The following RAP1B variants were observed in gnomAD, a reference collection of about 807,000 sequenced individuals.
RAP1B encodes ras-related protein Rap-1b.
A neutral mutation model predicts 27.5 loss-of-function variants in RAP1B; 1 was observed. The ratio of observed to expected loss-of-function variants is 0.04; its 90% CI spans 0.01 to 0.17. The LOEUF (loss-of-function observed/expected upper bound fraction) is 0.17. RAP1B is among the 10% of genes least tolerant of loss of function. The probability of loss-of-function intolerance (pLI) is 1.00; values close to 1 mark genes in which losing one functional copy is unlikely to be tolerated. For missense variants in RAP1B, 84 were observed against 214.8 expected (o/e 0.39, Z 3.81); for synonymous variants, 75 against 73.1 (o/e 1.03, Z -0.13).
intron 1 of RAP1B, among the ~76,000 whole-genome samples, chr12:68,629,756 A>G (rs1476599826): frequency 6.6e-6 from 1 of 152,212 alleles, no homozygotes; most frequent in Non-Finnish European, 1.5e-5. Flanking sequence ...GTATTGAATG[A>G]ATGTTATAAA....
chr12:68,662,971 A>G lies in RAP1B; in HGVS notation c.*3722A>G, dbSNP rs1874683351. ...GCGCCACTGCACCCCCACGATGGCA[A>G]TAGAGTGAGACCCTGTCTTAGAAAA... On this transcript the variant is annotated 3_prime_UTR_variant, in exon 8 of 8. Transcript: ENST00000250559. 6.6e-6 allele frequency: 1 copy of G among 152,126 alleles called. No individual in the cohort carries two copies. Among genetic ancestry groups the G allele is most frequent in the Admixed American group, 6.6e-5 (1 of 15,256 alleles). 9.4% of individuals were successfully genotyped at this position (152,126 alleles called of 1,614,324 possible).
At position 68,667,910 on chromosome 12, in the gene RAP1B, A is replaced by G. The variant is rs1051388273; in HGVS notation, c.*8661A>G. On this transcript the variant is annotated 3_prime_UTR_variant, in exon 8 of 8. Coordinates refer to ENST00000250559, the MANE Select transcript of RAP1B (RefSeq NM_001010942.3). ...CTATCTGGTAATTACTATTTAGCAA[A>G]CAGCTAACAGCTAGCTCTTAATTTT... 2.0e-5 allele frequency: 3 copies of G among 152,226 alleles called. No homozygotes were observed. Among genetic ancestry groups the G allele is most frequent in the South Asian group, 2.1e-4 (1 of 4,836 alleles). 9.4% of individuals were successfully genotyped at this position (152,226 alleles called of 1,614,324 possible).
chr12:68,661,411 TATTCATTCATTGG>T lies in RAP1B; in HGVS notation c.*2164_*2176del, dbSNP rs1194635657. On this transcript the variant is annotated 3_prime_UTR_variant, in exon 8 of 8. Transcript: ENST00000250559. ...CCAGTTCTAGGCTCAAACAGCTAAA[TATTCATTCATTGG>T]ACAAATTAAGTACTTAAGTATAAAA... 1 of 152,136 alleles carries T rather than the reference TATTCATTCATTGG, an allele frequency of 6.6e-6. No individual in the cohort carries two copies. The highest frequency in any genetic ancestry group is 2.4e-5 in the African/African-American group (1 of 41,436). 9.4% of individuals were successfully genotyped at this position (152,136 alleles called of 1,614,324 possible).
chr12:68,611,669 A>G (rs1177707240), intron 1 of RAP1B, among the ~76,000 whole-genome samples: 3 of 152,162 alleles, frequency 2.0e-5, no homozygotes, highest in Admixed American at 6.5e-5. Flanking sequence ...GGGAAGTGGC[A>G]GGAGGAAGGC....
chr12:68,624,356 G>A (rs1433468854), intron 1 of RAP1B, among the ~76,000 whole-genome samples: 1 of 151,822 alleles, frequency 6.6e-6, no homozygotes, highest in Admixed American at 6.6e-5. Flanking sequence ...GTTTCATCTT[G>A]GTGATTTTTT....
chr12:68,637,363 C>T (rs975481782), intron 1 of RAP1B, among the ~76,000 whole-genome samples: 3 of 151,988 alleles, frequency 2.0e-5, no homozygotes, highest in African/African-American at 7.2e-5. Flanking sequence ...TTTGGGAGGC[C>T]CAGGCGGGTG....
At chr12:68,621,694 G>A (rs1871396578) in intron 1 of RAP1B, among the ~76,000 whole-genome samples, 1 of 152,188 alleles carries the variant, frequency 6.6e-6, no homozygotes, top group Non-Finnish European at 1.5e-5. Context: ...CACAGTTCTG[G>A]TCAACAGGAA....
At chr12:68,613,978 G>A (rs1667730334) in intron 1 of RAP1B, among the ~76,000 whole-genome samples, 1 of 152,182 alleles carries the variant, frequency 6.6e-6, no homozygotes, top group Non-Finnish European at 1.5e-5. Flanking sequence ...CATGTAAGGA[G>A]GGTATAGCAA....
chr12:68,655,016 A>C (rs904538034), intron 5 of RAP1B, among the ~76,000 whole-genome samples: 12 of 152,080 alleles, frequency 7.9e-5, no homozygotes, highest in Non-Finnish European at 1.3e-4. Context: ...TGATCTGCAT[A>C]CTGTAAGAAC....
intron 1 of RAP1B, among the ~76,000 whole-genome samples, chr12:68,634,826 T>G (rs2135939330): frequency 6.6e-6 from 1 of 152,304 alleles, no homozygotes; most frequent in Admixed American, 6.5e-5. Context: ...CATGTCAAAT[T>G]ATATGTTGTT....
chr12:68,643,131 A>T (rs1873143295), intron 1 of RAP1B: 1 of 580,420 alleles, frequency 1.7e-6, no homozygotes, highest in Non-Finnish European at 3.0e-6. Context: ...AAATCTCTTC[A>T]CTTTAAATGG....
intron 1 of RAP1B, among the ~76,000 whole-genome samples, chr12:68,641,352 A>AACCGGACTCTC (rs1872989110): frequency 1.3e-5 from 2 of 152,162 alleles, no homozygotes; most frequent in South Asian, 4.1e-4. Flanking sequence ...CAGCCACTGA[A>AACCGGACTCTC]ACCGGACTCT....
intron 1 of RAP1B, among the ~76,000 whole-genome samples, chr12:68,635,886 A>AGAT (rs1555171933): frequency 5.9e-4 from 36 of 60,630 alleles, no homozygotes; most frequent in Middle Eastern, 0.011. Flanking sequence ...TACCCATGAA[A>AGAT]TTTTTTTTTT....
chr12:68,633,416 A>G (rs889405934), intron 1 of RAP1B, among the ~76,000 whole-genome samples: 19 of 152,206 alleles, frequency 1.2e-4, no homozygotes, highest in African/African-American at 4.1e-4. Flanking sequence ...ATCCACAGCA[A>G]GCACTTTATT....
At chr12:68,647,176 G>GC (rs1267479266) in intron 1 of RAP1B, among the ~76,000 whole-genome samples, 1 of 152,028 alleles carries the variant, frequency 6.6e-6, no homozygotes, top group Non-Finnish European at 1.5e-5. Context: ...CCTCGGCTTT[G>GC]CGAGTAGCTG....
At position 68,645,969 on chromosome 12, in the gene RAP1B, AAGG is replaced by A. The variant is rs577556669; in HGVS notation, c.-26-2727_-26-2725del. Among the ~76,000 whole-genome samples the A allele has an allele frequency of 2.4e-4, 37 of 152,318 alleles. 1 individual carries two copies. The East Asian group carries it at 5.0e-3, about 21-fold the overall frequency. ...TATTTTAATCAACAGTAATAAATAA[AAGG>A]AGCAAGTTACTGATAGATACAATAA... On this transcript the variant is annotated intron_variant, in intron 1 of 7. Coordinates refer to ENST00000250559, the MANE Select transcript of RAP1B (RefSeq NM_001010942.3).
rs1254850876 is a variant in RAP1B, at chr12:68,660,778, G to A, written c.*1529G>A. ...TTGTAAATCAAGCAGTATTACTTAC[G>A]AATAAATGCCTTTGGGTAATGTTCA... On this transcript the variant is annotated 3_prime_UTR_variant, in exon 8 of 8. Coordinates refer to ENST00000250559, the MANE Select transcript of RAP1B (RefSeq NM_001010942.3). 4 of 152,110 alleles carry A rather than the reference G, an allele frequency of 2.6e-5. No homozygotes were observed. The highest frequency in any genetic ancestry group is 6.5e-5 in the Admixed American group (1 of 15,276). The allele number at this position is 152,110 out of a possible 1,614,324, so 9.4% of individuals were successfully genotyped here.
chr12:68,657,743 C>CACAT (rs1443365864), intron 7 of RAP1B: 2 of 130,754 alleles, frequency 1.5e-5, no homozygotes, highest in Non-Finnish European at 3.1e-5. Flanking sequence ...CACACACACA[C>CACAT]ACACACACAC....
At chr12:68,618,236 G>A (rs531120769) in intron 1 of RAP1B, among the ~76,000 whole-genome samples, 4 of 151,714 alleles carry the variant, frequency 2.6e-5, no homozygotes, top group East Asian at 3.9e-4. Flanking sequence ...ACAGGCATGC[G>A]CCACCACGCC....
Sources: allele counts gnomAD v4.1 joint callset (sites outside exome capture counted in the v4.1 genomes callset), GRCh38; gene constraint gnomAD v4.1.1; transcripts MANE v1.5; gene names NCBI Gene and HGNC (gene_info 2026-07-23, HGNC 2026-07-21).